The following BTRC variants were observed in gnomAD, a reference collection of about 807,000 sequenced individuals.
BTRC encodes the protein F-box/WD repeat-containing protein 1A.
Under a neutral mutation model 85.5 loss-of-function variants are expected in BTRC, and 42 were observed. That is an observed-to-expected ratio of 0.49 (90% CI 0.38 to 0.64). BTRC has a LOEUF of 0.64. BTRC is among the 30% of genes least tolerant of loss of function. The pLI, the probability that BTRC is intolerant of heterozygous loss-of-function variation, is 0.00. For synonymous variants in BTRC, 255 were observed against 263.3 expected (o/e 0.97, Z 0.30); for missense variants, 594 against 743.5 (o/e 0.80, Z 2.34).
At chr10:101,367,618 C>G (rs991720736) in intron 1 of BTRC, among the ~76,000 whole-genome samples, 3 of 152,082 alleles carry the variant, frequency 2.0e-5, no homozygotes, top group Non-Finnish European at 4.4e-5. Context: ...CTCCCTAATC[C>G]CAAGGGAAAC....
chr10:101,501,810 G>A (rs9420840), intron 4 of BTRC, among the ~76,000 whole-genome samples: 56,282 of 152,004 alleles, frequency 0.37, 11,594 homozygotes, highest in Middle Eastern at 0.49. Flanking sequence ...TTTTAAATCA[G>A]ATGCATAAAT....
chr10:101,484,456 C>T (rs1945928813), intron 4 of BTRC, among the ~76,000 whole-genome samples: 1 of 152,070 alleles, frequency 6.6e-6, no homozygotes, highest in South Asian at 2.1e-4. Context: ...CACTTTTTTT[C>T]CATGCTACTT....
intron 2 of BTRC, among the ~76,000 whole-genome samples, chr10:101,438,822 G>A (rs1362167507): frequency 1.3e-5 from 2 of 152,078 alleles, no homozygotes; most frequent in African/African-American, 4.8e-5. Context: ...GGTAAAATGA[G>A]GATAAAATTA....
intron 1 of BTRC, among the ~76,000 whole-genome samples, chr10:101,355,811 G>A (rs966391357): frequency 1.5e-4 from 23 of 151,968 alleles, no homozygotes; most frequent in African/African-American, 5.3e-4. Context: ...TAGTGTTTTC[G>A]AAAACACCTA....
Position 101,555,906 on chromosome 10 carries a change from G to A in BTRC, c.*2783G>A, listed in dbSNP as rs1564846071. On this transcript the variant is annotated 3_prime_UTR_variant, in exon 15 of 15. Coordinates refer to ENST00000370187, the MANE Select transcript of BTRC (RefSeq NM_033637.4). ...GGAGGTACAGACACGTGACCTTTTG[G>A]TGCACACTGGAGCTACTTGGACAAG... 6.6e-6 allele frequency: 1 copy of A among 152,202 alleles called. No individual in the cohort carries two copies. The highest frequency in any genetic ancestry group is 1.5e-5 in the Non-Finnish European group (1 of 68,040). The allele number at this position is 152,202 out of a possible 1,614,324, so 9.4% of individuals were successfully genotyped here. A position where few individuals can be genotyped will look rare whatever the true frequency, so the allele number is the denominator to read the frequency against.
At chr10:101,463,254 C>T (rs759623155) in intron 3 of BTRC, among the ~76,000 whole-genome samples, 36 of 152,102 alleles carry the variant, frequency 2.4e-4, no homozygotes, top group Non-Finnish European at 4.3e-4. Flanking sequence ...CCATGTTGGC[C>T]AGGCTGGTCG....
At chr10:101,519,557 A>G (rs142191939) in intron 4 of BTRC, among the ~76,000 whole-genome samples, 4 of 152,324 alleles carry the variant, frequency 2.6e-5, no homozygotes, top group Non-Finnish European at 5.9e-5. Flanking sequence ...CTGTGCTTGT[A>G]AAGCCTCATA....
intron 1 of BTRC, among the ~76,000 whole-genome samples, chr10:101,375,697 T>C (rs1385359156): frequency 1.3e-5 from 2 of 152,218 alleles, no homozygotes; most frequent in African/African-American, 4.8e-5. Context: ...CAGCCTATAC[T>C]GATTAGTGTC....
At position 101,450,042 on chromosome 10, in the gene BTRC, TTTTG is replaced by T. The variant is rs1231001411; in HGVS notation, c.157-11931_157-11928del. On this transcript the variant is annotated intron_variant, in intron 2 of 14. Coordinates refer to ENST00000370187, the MANE Select transcript of BTRC (RefSeq NM_033637.4). ...AAAGGGTAAGGTAGGAAGTGTTTTT[TTTTG>T]TTTGTTTTTAAATTAAGGCTTTAGA... is the stretch of plus-strand genomic sequence containing the variant. Among the ~76,000 whole-genome samples the T allele has an allele frequency of 4.6e-5, 7 of 152,186 alleles. No individual in the cohort carries two copies. In the East Asian group the frequency reaches 1.3e-3, roughly 29 times the overall value.
intron 1 of BTRC, among the ~76,000 whole-genome samples, chr10:101,421,223 T>G (rs1405846761): frequency 6.6e-6 from 1 of 152,146 alleles, no homozygotes; most frequent in East Asian, 1.9e-4. Flanking sequence ...TGGCCATTAC[T>G]TTAATGAATA....
chr10:101,495,753 T>C (rs1392765719), intron 4 of BTRC, among the ~76,000 whole-genome samples: 1 of 152,202 alleles, frequency 6.6e-6, no homozygotes, highest in African/African-American at 2.4e-5. Context: ...GTGAATACAA[T>C]CATAGTGAAT....
chr10:101,467,537 G>A (rs2134187729), intron 3 of BTRC, among the ~76,000 whole-genome samples: 1 of 152,152 alleles, frequency 6.6e-6, no homozygotes, highest in South Asian at 2.1e-4. Flanking sequence ...AGGTGTAATT[G>A]CAATATGACA....
intron 1 of BTRC, among the ~76,000 whole-genome samples, chr10:101,386,689 G>T (rs893264980): frequency 6.6e-6 from 1 of 152,174 alleles, no homozygotes; most frequent in African/African-American, 2.4e-5. Flanking sequence ...ATTGATGACA[G>T]CCTGAATTAG....
At chr10:101,400,102 A>T (rs1355806910) in intron 1 of BTRC, among the ~76,000 whole-genome samples, 1 of 152,138 alleles carries the variant, frequency 6.6e-6, no homozygotes, top group Non-Finnish European at 1.5e-5. Context: ...GATAATGTTC[A>T]TTTTTGTTAC....
At chr10:101,366,991 T>A (rs868559938) in intron 1 of BTRC, among the ~76,000 whole-genome samples, 960 of 71,414 alleles carry the variant, frequency 0.013, 119 homozygotes, top group African/African-American at 0.051. Context: ...TATTTATATA[T>A]ATTAATATAT....
intron 2 of BTRC, among the ~76,000 whole-genome samples, chr10:101,456,686 T>C (rs1408172556): frequency 6.6e-6 from 1 of 152,226 alleles, no homozygotes; most frequent in Non-Finnish European, 1.5e-5. Context: ...TATTGACCTT[T>C]TCCTACCCAA....
chr10:101,503,519 A>C (rs1946445113), intron 4 of BTRC, among the ~76,000 whole-genome samples: 1 of 152,228 alleles, frequency 6.6e-6, no homozygotes, highest in African/African-American at 2.4e-5. Context: ...ATAAATTAAG[A>C]AAACAATTAC....
intron 6 of BTRC, among the ~76,000 whole-genome samples, chr10:101,530,137 C>A (rs541604997): frequency 6.6e-5 from 10 of 152,106 alleles, no homozygotes; most frequent in Non-Finnish European, 1.5e-4. Flanking sequence ...GAAGGAGATA[C>A]TAACAAATGT....
rs2062711064 is a variant in BTRC, at chr10:101,555,336, C to T, written c.*2213C>T. 1 of 152,640 alleles carries T rather than the reference C, an allele frequency of 6.6e-6. No individual in the cohort carries two copies. The highest frequency in any genetic ancestry group is 2.4e-5 in the African/African-American group (1 of 41,438). The allele number at this position is 152,640 out of a possible 1,614,324, so 9.5% of individuals were successfully genotyped here. On this transcript the variant is annotated 3_prime_UTR_variant, in exon 15 of 15. Coordinates refer to ENST00000370187, the MANE Select transcript of BTRC (RefSeq NM_033637.4). ...ATGTTTATTGGTGCCCAGGGTTTTGCTCTCCAATCTAGGTTCAGTTGAAGG... is the reference window on the plus strand; with the variant it reads ...ATGTTTATTGGTGCCCAGGGTTTTGTTCTCCAATCTAGGTTCAGTTGAAGG...
Sources: allele counts gnomAD v4.1 joint callset (sites outside exome capture counted in the v4.1 genomes callset), GRCh38; gene constraint gnomAD v4.1.1; transcripts MANE v1.5; gene names NCBI Gene and HGNC (gene_info 2026-07-23, HGNC 2026-07-21).